Variants in UGGT2 observed in about 807,000 individuals in gnomAD.
UGGT2 encodes the protein UDP-glucose glycoprotein glucosyltransferase 2, also known as UDP-glucose:glycoprotein glucosyltransferase 2.
UGGT2 carries 180 observed loss-of-function variants against 192.1 expected under a neutral mutation model. That is an observed-to-expected ratio of 0.94 (90% CI 0.83 to 1.06). The LOEUF is 1.06. Among genes scored for constraint, UGGT2 ranks in the 50% least tolerant of loss-of-function variants. The pLI, the probability that UGGT2 is intolerant of heterozygous loss-of-function variation, is 0.00. For synonymous variants in UGGT2, 580 were observed against 591.0 expected (o/e 0.98, Z 0.27); for missense variants, 1,849 against 1,795.7 (o/e 1.03, Z -0.54).
chr13:95,813,212 A>G (rs1247538331), intron 38 of UGGT2, among the ~76,000 whole-genome samples: 2 of 152,216 alleles, frequency 1.3e-5, no homozygotes, highest in African/African-American at 4.8e-5. Context: ...GGCTCAAAAG[A>G]AAACAGGAAG....
chr13:95,898,179 C>T (rs2048001234), intron 22 of UGGT2, among the ~76,000 whole-genome samples: 1 of 152,136 alleles, frequency 6.6e-6, no homozygotes, highest in African/African-American at 2.4e-5. Flanking sequence ...CAACTGGCTC[C>T]CTGACCCCCT....
At chr13:95,941,039 T>C (rs1272154284) in intron 15 of UGGT2, among the ~76,000 whole-genome samples, 1 of 152,230 alleles carries the variant, frequency 6.6e-6, no homozygotes, top group African/African-American at 2.4e-5. Flanking sequence ...AGATCCTCTA[T>C]GACCCAGGTG....
At chr13:95,936,266 C>A (rs1300678043) in intron 17 of UGGT2, among the ~76,000 whole-genome samples, 1 of 152,224 alleles carries the variant, frequency 6.6e-6, no homozygotes, top group African/African-American at 2.4e-5. Context: ...AGTGATGCTT[C>A]TATAGCCTAT....
At chr13:95,918,414 A>AC (rs1384951484) in intron 20 of UGGT2, among the ~76,000 whole-genome samples, 1 of 152,206 alleles carries the variant, frequency 6.6e-6, no homozygotes, top group African/African-American at 2.4e-5. Flanking sequence ...CTAAATGCCC[A>AC]CATCAAAACG....
chr13:95,867,193 CTTTT>C (rs766416815), intron 30 of UGGT2, 142 bp downstream of exon 30: 26 of 714,702 alleles, frequency 3.6e-5, no homozygotes, highest in Non-Finnish European at 5.8e-5. Flanking sequence ...TAATCCTCTT[CTTTT>C]TTTACTGCTG....
chr13:95,937,719 C>G, intron 16 of UGGT2, among the ~76,000 whole-genome samples: 1 of 152,096 alleles, frequency 6.6e-6, no homozygotes, highest in East Asian at 1.9e-4. Context: ...TCATACAGGT[C>G]TTCTTTTAGG....
At chr13:95,903,152 T>C in intron 20 of UGGT2, 92 bp from the exon 21 acceptor site, 2 of 1,226,442 alleles carry the variant, frequency 1.6e-6, no homozygotes, top group Non-Finnish European at 2.2e-6. Flanking sequence ...TTGTTCACTG[T>C]ATCATGCACC....
chr13:95,901,577 C>G (rs1043987340), intron 21 of UGGT2, among the ~76,000 whole-genome samples: 1 of 152,062 alleles, frequency 6.6e-6, no homozygotes, highest in Non-Finnish European at 1.5e-5. Flanking sequence ...TCAGTAGAAT[C>G]CAGGCCTTAA....
chr13:95,838,090 T>C (rs751354079), intron 36 of UGGT2, among the ~76,000 whole-genome samples: 8 of 152,200 alleles, frequency 5.3e-5, no homozygotes, highest in Non-Finnish European at 1.0e-4. Flanking sequence ...CTGGAACTGA[T>C]AAGCAATTTT....
At chr13:96,019,133 GGGGGGA>G (rs1188930181) in intron 4 of UGGT2, among the ~76,000 whole-genome samples, 7 of 125,070 alleles carry the variant, frequency 5.6e-5, no homozygotes, top group Admixed American at 1.6e-4. Context: ...GGGGGGGGGG[GGGGGGA>G]ATGTTTCTGT....
At chr13:95,913,435 A>T (rs893934931) in intron 20 of UGGT2, among the ~76,000 whole-genome samples, 3 of 152,052 alleles carry the variant, frequency 2.0e-5, no homozygotes, top group Non-Finnish European at 2.9e-5. Flanking sequence ...AAAGGATATG[A>T]ATAGACACTT....
intron 4 of UGGT2, among the ~76,000 whole-genome samples, chr13:96,019,235 T>C (rs2139101523): frequency 6.6e-6 from 1 of 151,750 alleles, no homozygotes; most frequent in East Asian, 2.0e-4. Context: ...GACAGAGATT[T>C]CTGAGTCAAA....
chr13:95,908,445 C>G (rs113028269), intron 20 of UGGT2, among the ~76,000 whole-genome samples: 1 of 151,908 alleles, frequency 6.6e-6, no homozygotes, highest in Non-Finnish European at 1.5e-5. Context: ...GACACATAAT[C>G]GTGAGATTCA....
intron 2 of UGGT2, among the ~76,000 whole-genome samples, chr13:96,031,253 T>G (rs1421770628): frequency 6.6e-6 from 1 of 152,150 alleles, no homozygotes. Context: ...AAAAATGTAC[T>G]ATTACTAGAT....
chr13:95,976,576 C>G lies in UGGT2; in HGVS notation c.1093-3905G>C, dbSNP rs1216942965. ...AGGGTTCCCCTTTCTCTGTATCCTT[C>G]CCAGAATCTGTTATTTTTTTTGTTT... On this transcript the variant is annotated intron_variant, in intron 10 of 38. Coordinates refer to ENST00000376747, the MANE Select transcript of UGGT2 (RefSeq NM_020121.4). Among the ~76,000 whole-genome samples, 3 of 152,090 alleles carry G rather than the reference C, an allele frequency of 2.0e-5. No homozygotes were observed. The East Asian group carries it at 5.8e-4, about 29-fold the overall frequency.
intron 20 of UGGT2, among the ~76,000 whole-genome samples, chr13:95,922,916 CA>C (rs2048893714): frequency 6.6e-6 from 1 of 152,130 alleles, no homozygotes; most frequent in Non-Finnish European, 1.5e-5. Context: ...TTAGGTATAA[CA>C]AAAATCAAGA....
chr13:95,996,150 C>A lies in UGGT2; in HGVS notation c.758-15G>T, dbSNP rs1315551016. The stretch of plus-strand genomic sequence containing the variant: ...ATTAGTCACAGCTACATTTTGGAAA[C>A]AAAACCAAAAAACAACAAAAATATT... On this transcript the variant is annotated splice_polypyrimidine_tract_variant and intron_variant, in intron 6 of 38. Coordinates refer to ENST00000376747, the MANE Select transcript of UGGT2 (RefSeq NM_020121.4). 3 of 1,592,414 alleles carry A rather than the reference C, an allele frequency of 1.9e-6. No homozygotes were observed. The highest frequency in any genetic ancestry group is 3.7e-5 in the Admixed American group (2 of 54,538).
intron 1 of UGGT2, among the ~76,000 whole-genome samples, chr13:96,036,916 A>C (rs1217351639): frequency 6.6e-6 from 1 of 152,124 alleles, no homozygotes; most frequent in African/African-American, 2.4e-5. Flanking sequence ...CACCATGCCC[A>C]GTTCACTCTT....
Position 95,970,195 on chromosome 13 carries a change from C to T in UGGT2, c.1252G>A (p.Glu418Lys). Residue 418 changes from glutamate to lysine, a missense_variant, in exon 12 of 39, where the codon GAA becomes AAA. Coordinates refer to ENST00000376747, the MANE Select transcript of UGGT2 (RefSeq NM_020121.4). ...AATTTTAAAAATTTGCTCATATCTT[C>T]CCCATTGATCCCAAGATTGCGAAGG... is the stretch of plus-strand genomic sequence containing the variant. ...NGLRNLGING[E>K]DMSKFLKLNS... 4 of 1,613,010 alleles carry T rather than the reference C, an allele frequency of 2.5e-6. No individual in the cohort carries two copies. The highest frequency in any genetic ancestry group is 3.4e-6 in the Non-Finnish European group (4 of 1,179,104).
Sources: allele counts gnomAD v4.1 joint callset (sites outside exome capture counted in the v4.1 genomes callset), GRCh38; gene constraint gnomAD v4.1.1; transcripts MANE v1.5; gene names NCBI Gene and HGNC (gene_info 2026-07-23, HGNC 2026-07-21).